RCC2: variants seen among roughly 807,000 people sequenced by gnomAD.
RCC2 encodes protein RCC2.
Under a neutral mutation model 64.1 loss-of-function variants are expected in RCC2, and 19 were observed. The observed-to-expected ratio is 0.30, with a 90% CI of 0.21 to 0.44. The LOEUF (loss-of-function observed/expected upper bound fraction) is 0.44. Among genes scored for constraint, RCC2 ranks in the 20% least tolerant of loss-of-function variants. RCC2 has a pLI of 1.00. For synonymous variants in RCC2, 325 were observed against 279.6 expected, an observed-to-expected ratio of 1.16 and a Z score of -1.62; for missense variants, 508 against 710.4, an observed-to-expected ratio of 0.72 and a Z score of 3.24.
chr1:17,431,191 G>C (rs577537837), intron 2 of RCC2, among the ~76,000 whole-genome samples: 1 of 149,422 alleles, frequency 6.7e-6, no homozygotes, highest in Non-Finnish European at 1.5e-5. Context: ...AAAATTAGCC[G>C]GGCATGGTGA....
intron 8 of RCC2, among the ~76,000 whole-genome samples, chr1:17,415,930 A>G (rs1265757159): frequency 6.6e-6 from 1 of 151,692 alleles, no homozygotes; most frequent in East Asian, 2.0e-4. Flanking sequence ...TAGCCGGGGC[A>G]TGGTGGCGCA....
intron 2 of RCC2, among the ~76,000 whole-genome samples, chr1:17,438,016 C>T (rs2075758194): frequency 6.8e-6 from 1 of 146,618 alleles, no homozygotes; most frequent in Non-Finnish European, 1.5e-5. Context: ...GCGCGGTGCC[C>T]GGGGTCGGGT....
At chr1:17,434,009 A>C (rs1262619749) in intron 2 of RCC2, among the ~76,000 whole-genome samples, 9 of 152,086 alleles carry the variant, frequency 5.9e-5, no homozygotes, top group Admixed American at 3.3e-4. Flanking sequence ...AACTACAAAG[A>C]CCTGGGCAGC....
chr1:17,416,273 G>A (rs987778962), intron 8 of RCC2, among the ~76,000 whole-genome samples: 1 of 152,090 alleles, frequency 6.6e-6, no homozygotes, highest in Non-Finnish European at 1.5e-5. Context: ...TTTAAATCAC[G>A]GGAGAAGTTA....
At chr1:17,431,374 A>ATG (rs1557633550) in intron 2 of RCC2, among the ~76,000 whole-genome samples, 8 of 110,778 alleles carry the variant, frequency 7.2e-5, no homozygotes, top group African/African-American at 2.6e-4. Flanking sequence ...ATATATATAT[A>ATG]TATATATGTG....
chr1:17,409,899 T>A, intron 12 of RCC2, 75 bp downstream of exon 12: 1 of 1,268,000 alleles, frequency 7.9e-7, no homozygotes, highest in Non-Finnish European at 1.2e-6. Context: ...CAGACTGCGA[T>A]GATCAAAATC....
intron 11 of RCC2, among the ~76,000 whole-genome samples, chr1:17,410,472 C>T (rs2075412280): frequency 6.6e-6 from 1 of 152,182 alleles, no homozygotes; most frequent in Admixed American, 6.5e-5. Flanking sequence ...GAATAATCAC[C>T]ATCCAAAACA....
intron 2 of RCC2, among the ~76,000 whole-genome samples, chr1:17,437,433 C>G (rs1239316571): frequency 6.6e-6 from 1 of 151,724 alleles, no homozygotes; most frequent in Admixed American, 6.6e-5. Context: ...CGGCAGATGC[C>G]GGGTTCAGAT....
chr1:17,430,762 G>A (rs1469886739), intron 2 of RCC2, among the ~76,000 whole-genome samples: 1 of 151,622 alleles, frequency 6.6e-6, no homozygotes, highest in Non-Finnish European at 1.5e-5. Context: ...CACTCCCAGT[G>A]TTGCTGCCCA....
chr1:17,412,030 T>C, intron 11 of RCC2, 92 bp downstream of exon 11: 2 of 1,102,864 alleles, frequency 1.8e-6, no homozygotes, highest in African/African-American at 1.5e-5. Flanking sequence ...TTTTCTTCTG[T>C]GTGTTTTGGG....
Position 17,425,678 on chromosome 1 carries a change from T to G in RCC2, c.386A>C (p.Tyr129Ser). ...RKEVPKQQAAYRNLGQNLWGP... is the reference protein window; with the variant it reads ...RKEVPKQQAASRNLGQNLWGP... ...CCACAAATTCTGACCGAGATTGCGG[T>G]AAGCAGCTGCAGAGAGAATGAGAAT... The change falls in exon 4 of 13, where the codon TAC becomes TCC. Residue 129 changes from tyrosine (Y) to serine (S), a missense_variant. Tyr to Ser is a moderately radical substitution (Grantham distance 144). This residue lies in a region of RCC2 where 132 missense variants were observed against 207.3 expected (regional missense o/e 0.64). Coordinates refer to ENST00000375436, the MANE Select transcript of RCC2 (RefSeq NM_018715.4). 6.2e-7 allele frequency: 1 copy of G among 1,609,822 alleles called. No homozygotes were observed. Among genetic ancestry groups the G allele is most frequent in the Non-Finnish European group, 8.5e-7 (1 of 1,176,700 alleles).
intron 2 of RCC2, among the ~76,000 whole-genome samples, chr1:17,437,943 G>A (rs1407700631): frequency 6.9e-6 from 1 of 144,794 alleles, no homozygotes; most frequent in East Asian, 2.0e-4. Flanking sequence ...ACCCCCTCGT[G>A]CGGGCTTCGG....
chr1:17,411,971 C>T (rs2075431580), intron 11 of RCC2, 151 bp downstream of exon 11: 6 of 703,120 alleles, frequency 8.5e-6, no homozygotes, highest in Non-Finnish European at 1.3e-5. Context: ...ACTCATGGGA[C>T]TCAATCGTGT....
intron 7 of RCC2, among the ~76,000 whole-genome samples, chr1:17,418,106 T>C (rs1361396061): frequency 6.6e-6 from 1 of 152,092 alleles, no homozygotes; most frequent in African/African-American, 2.4e-5. Context: ...ATCCCCCAGG[T>C]TACCAAGGAG....
In RCC2 at chr1:17,407,980, C is replaced by G. The variant is rs1361667558; in HGVS notation, c.*1110G>C. 2.6e-5 allele frequency: 4 copies of G among 152,464 alleles called. No homozygotes were observed. The highest frequency in any genetic ancestry group is 4.8e-5 in the African/African-American group (2 of 41,442). The allele number at this position is 152,464 out of a possible 1,614,324, so 9.4% of individuals were successfully genotyped here. On this transcript the variant is annotated 3_prime_UTR_variant, in exon 13 of 13. Transcript: ENST00000375436. Reference sequence around the variant, plus strand: ...GGCGAGCTCGGGCACTTGACGAGGACGCAGGTGGCAGTCACAGCATCCGTG... The same window carrying G: ...GGCGAGCTCGGGCACTTGACGAGGAGGCAGGTGGCAGTCACAGCATCCGTG...
intron 7 of RCC2, among the ~76,000 whole-genome samples, chr1:17,420,220 G>A (rs747125760): frequency 1.3e-5 from 2 of 152,230 alleles, no homozygotes; most frequent in Non-Finnish European, 2.9e-5. Flanking sequence ...CCACCAATGA[G>A]ATCGAAGAAA....
At chr1:17,439,286 G>T (rs1476546904) in intron 1 of RCC2, among the ~76,000 whole-genome samples, 5 of 148,420 alleles carry the variant, frequency 3.4e-5, no homozygotes, top group African/African-American at 4.9e-5. Flanking sequence ...AAGTGTCCAG[G>T]GCCGCCGCCA....
intron 4 of RCC2, among the ~76,000 whole-genome samples, chr1:17,424,836 TG>T (rs1397270933): frequency 6.6e-6 from 1 of 152,006 alleles, no homozygotes; most frequent in African/African-American, 2.4e-5. Flanking sequence ...ATGATTGGAA[TG>T]ATCTGGAAGA....
At position 17,422,772 on chromosome 1, in the gene RCC2, G is replaced by A. The variant is rs778413915; in HGVS notation, c.588C>T (p.Ile196=). ...CAATCACTTCGTGGCTAAGACCCTC[G>A]ATGAGTCTAGGGGCTTCTACTCTCT... ...DTKRVEAPRL[I]EGLSHEVIVS... The change falls in exon 5 of 13, where the codon ATC becomes ATT. Residue 196 remains isoleucine (I), a synonymous_variant. Coordinates refer to ENST00000375436, the MANE Select transcript of RCC2 (RefSeq NM_018715.4). 35 of 1,613,986 alleles carry A rather than the reference G, an allele frequency of 2.2e-5. No homozygotes were observed. Among genetic ancestry groups the A allele is most frequent in the African/African-American group, 5.3e-5 (4 of 74,898 alleles).
Sources: allele counts gnomAD v4.1 joint callset (sites outside exome capture counted in the v4.1 genomes callset), GRCh38; gene constraint gnomAD v4.1.1; regional missense constraint gnomAD v4.1.1; transcripts MANE v1.5; gene names NCBI Gene and HGNC (gene_info 2026-07-23, HGNC 2026-07-21).